Variants in DACH2 observed in about 807,000 individuals in gnomAD.
DACH2 encodes dachshund homolog 2.
In DACH2, 17 loss-of-function variants were observed where a neutral mutation model predicts 35.8. The ratio of observed to expected loss-of-function variants is 0.48; its 90% CI spans 0.33 to 0.71. The LOEUF (loss-of-function observed/expected upper bound fraction) is 0.71. DACH2 is among the 30% of genes least tolerant of loss of function. DACH2 has a pLI of 0.02. For synonymous variants in DACH2, 195 were observed against 177.3 expected, an observed-to-expected ratio of 1.10 and a Z score of -0.79; for missense variants, 469 against 472.7, an observed-to-expected ratio of 0.99 and a Z score of 0.07.
intron 1 of DACH2, among the ~76,000 whole-genome samples, chrX:86,225,960 G>A (rs73514039): frequency 0.022 from 2,416 of 111,263 alleles, 57 homozygotes; most frequent in African/African-American, 0.072. Context: ...GGATGCCAAA[G>A]ATTTGGATTC....
chrX:86,406,285 G>A (rs932843529), intron 2 of DACH2, among the ~76,000 whole-genome samples: 5 of 111,705 alleles, frequency 4.5e-5, no homozygotes. Flanking sequence ...AACTAAGAGA[G>A]GAACAGAAAA....
At chrX:86,740,488 T>A (rs1278725244) in intron 7 of DACH2, among the ~76,000 whole-genome samples, 2 of 95,360 alleles carry the variant, frequency 2.1e-5, no homozygotes, top group Admixed American at 1.1e-4. Flanking sequence ...TATCTCCTAA[T>A]GCTATCCCTC....
chrX:86,723,059 G>C (rs2041425378), intron 6 of DACH2, among the ~76,000 whole-genome samples: 1 of 111,979 alleles, frequency 8.9e-6, no homozygotes, highest in African/African-American at 3.2e-5. Context: ...TTGAGAAAAT[G>C]TAAGTTTCTA....
chrX:86,205,283 T>C (rs2032256010), intron 1 of DACH2, among the ~76,000 whole-genome samples: 2 of 110,770 alleles, frequency 1.8e-5, no homozygotes, highest in South Asian at 7.8e-4. Context: ...GTGTGCCCAA[T>C]AGAAAATGAG....
At chrX:86,474,372 A>G (rs752325874) in intron 2 of DACH2, among the ~76,000 whole-genome samples, 5 of 111,619 alleles carry the variant, frequency 4.5e-5, no homozygotes, top group Non-Finnish European at 9.4e-5. Flanking sequence ...TGATGTGATC[A>G]TACTTATCAA....
At chrX:86,446,539 G>T (rs1166904628) in intron 2 of DACH2, among the ~76,000 whole-genome samples, 1 of 50,127 alleles carries the variant, frequency 2.0e-5, no homozygotes, top group Non-Finnish European at 3.6e-5. Context: ...GTGAGAATAT[G>T]CGGTGTTTGG....
At chrX:86,698,553 G>A (rs1214762820) in intron 5 of DACH2, among the ~76,000 whole-genome samples, 1 of 11,193 alleles carries the variant, frequency 8.9e-5, no homozygotes, top group Non-Finnish European at 2.0e-4. Flanking sequence ...TTTTTTACAG[G>A]GTCTCACTCT....
At chrX:86,197,176 A>T (rs1242148169) in intron 1 of DACH2, among the ~76,000 whole-genome samples, 2 of 111,797 alleles carry the variant, frequency 1.8e-5, no homozygotes, top group African/African-American at 6.5e-5. Flanking sequence ...TCATAAGCAG[A>T]GGAGAAATAA....
intron 11 of DACH2, among the ~76,000 whole-genome samples, chrX:86,816,416 A>C (rs1040033926): frequency 1.8e-5 from 2 of 111,915 alleles, no homozygotes; most frequent in Admixed American, 9.5e-5. Flanking sequence ...AAATGCATAA[A>C]TGTGAATGTA....
At chrX:86,519,528 G>T (rs750869275) in intron 3 of DACH2, among the ~76,000 whole-genome samples, 3 of 111,385 alleles carry the variant, frequency 2.7e-5, no homozygotes, top group Non-Finnish European at 3.8e-5. Context: ...CAGATCCCAG[G>T]TTTGTTTTGG....
chrX:86,588,253 T>G (rs2148347036), intron 3 of DACH2, among the ~76,000 whole-genome samples: 1 of 111,421 alleles, frequency 9.0e-6, no homozygotes, highest in South Asian at 3.8e-4. Flanking sequence ...AGTACCATGC[T>G]GTTTCAATCA....
chrX:86,568,194 T>C (rs1415685423), intron 3 of DACH2, among the ~76,000 whole-genome samples: 21 of 111,478 alleles, frequency 1.9e-4, no homozygotes, highest in Admixed American at 9.6e-5. Flanking sequence ...AACTATTCTG[T>C]ATAACACTCT....
chrX:86,612,131 G>T (rs1333100932), intron 3 of DACH2, among the ~76,000 whole-genome samples: 1 of 108,684 alleles, frequency 9.2e-6, no homozygotes, highest in Non-Finnish European at 1.9e-5. Flanking sequence ...TGCCCGGGTT[G>T]TGTATAGAAA....
intron 3 of DACH2, among the ~76,000 whole-genome samples, chrX:86,639,726 G>T (rs1010267015): frequency 2.2e-4 from 24 of 111,552 alleles, no homozygotes; most frequent in African/African-American, 7.5e-4. Flanking sequence ...GGAGGGGCAG[G>T]CCACCATCTT....
intron 3 of DACH2, among the ~76,000 whole-genome samples, chrX:86,520,789 A>G (rs779976895): frequency 9.0e-6 from 1 of 111,278 alleles, no homozygotes; most frequent in African/African-American, 3.3e-5. Context: ...GAGCCTATGA[A>G]TGTCATTAAT....
At chrX:86,254,801 T>TAGAGAGAGAG (rs1419488714) in intron 1 of DACH2, among the ~76,000 whole-genome samples, 1 of 67,447 alleles carries the variant, frequency 1.5e-5, no homozygotes, top group African/African-American at 7.9e-5. Flanking sequence ...TATATATATA[T>TAGAGAGAGAG]ATATATAGAG....
chrX:86,678,077 A>G (rs1391072034), intron 4 of DACH2, among the ~76,000 whole-genome samples: 1 of 111,853 alleles, frequency 8.9e-6, no homozygotes, highest in Non-Finnish European at 1.9e-5. Context: ...AGCTGTTAAT[A>G]TTTTTTTAAA....
chrX:86,248,872 G>T (rs1230181668), intron 1 of DACH2, among the ~76,000 whole-genome samples: 1 of 110,520 alleles, frequency 9.0e-6, no homozygotes, highest in East Asian at 2.8e-4. Context: ...ACGTAATAGG[G>T]AATCCAGAAA....
intron 2 of DACH2, among the ~76,000 whole-genome samples, chrX:86,494,955 A>T (rs1351892916): frequency 8.9e-6 from 1 of 112,775 alleles, no homozygotes; most frequent in Admixed American, 9.4e-5. Context: ...ATTAATTTTA[A>T]CAAGTTTTGT....
Sources: gnomAD v4.1 joint callset for allele counts (sites outside exome capture counted in the v4.1 genomes callset) on GRCh38, gnomAD v4.1.1 for gene constraint, MANE v1.5 for transcripts, NCBI Gene and HGNC (gene_info 2026-07-23, HGNC 2026-07-21) for gene names.